Variants in PHF20 observed in about 807,000 individuals in gnomAD.
PHF20 encodes the protein PHD finger protein 20, also known as glioma-expressed antigen 2.
A neutral mutation model predicts 113.5 loss-of-function variants in PHF20; 23 were observed. That is an observed-to-expected ratio of 0.20 (90% CI 0.15 to 0.29). The LOEUF (loss-of-function observed/expected upper bound fraction) is 0.29, where lower values mean the gene tolerates loss of function less well. Among genes scored for constraint, PHF20 ranks in the 10% least tolerant of loss-of-function variants. The pLI is 1.00. For synonymous variants in PHF20, 434 were observed against 457.3 expected (o/e 0.95, Z 0.65); for missense variants, 943 against 1,219.6 (o/e 0.77, Z 3.38).
intron 10 of PHF20, among the ~76,000 whole-genome samples, chr20:35,912,267 C>T (rs765354261): frequency 5.3e-5 from 8 of 152,120 alleles, no homozygotes; most frequent in Non-Finnish European, 1.0e-4. Flanking sequence ...CGTGAGCCAC[C>T]GCACCCAGCA....
At chr20:35,845,237 AT>A (rs999047329) in intron 3 of PHF20, 3 of 147,392 alleles carry the variant, frequency 2.0e-5, no homozygotes, top group South Asian at 2.1e-4. Flanking sequence ...AGTTTGTTTT[AT>A]TTTTTTAATT....
intron 2 of PHF20, among the ~76,000 whole-genome samples, chr20:35,835,247 T>C (rs141687222): frequency 0.051 from 7,701 of 151,562 alleles, 244 homozygotes; most frequent in African/African-American, 0.099. Context: ...TGCACTCCAG[T>C]CTGGGCGACA....
intron 1 of PHF20, among the ~76,000 whole-genome samples, chr20:35,785,550 C>T (rs1046120456): frequency 6.6e-6 from 1 of 151,718 alleles, no homozygotes; most frequent in African/African-American, 2.4e-5. Flanking sequence ...GAACTCCTGA[C>T]CTCAGGTGAT....
chr20:35,880,748 G>C (rs892612676), intron 9 of PHF20, among the ~76,000 whole-genome samples: 1 of 152,118 alleles, frequency 6.6e-6, no homozygotes, highest in Non-Finnish European at 1.5e-5. Context: ...ATCACTTGAG[G>C]TCAGGAGTTC....
intron 13 of PHF20, among the ~76,000 whole-genome samples, chr20:35,925,142 T>A (rs945067280): frequency 2.6e-5 from 4 of 152,144 alleles, no homozygotes; most frequent in South Asian, 2.1e-4. Flanking sequence ...ATAATATTTT[T>A]AAAATATCTG....
intron 9 of PHF20, among the ~76,000 whole-genome samples, chr20:35,876,526 G>T (rs529984292): frequency 1.3e-5 from 2 of 152,088 alleles, no homozygotes; most frequent in African/African-American, 4.8e-5. Flanking sequence ...AGCCGAGATT[G>T]CGCCCCTGCA....
In PHF20 at chr20:35,807,810, T is replaced by C. The variant is rs2041911436; in HGVS notation, c.83+6205T>C. Among the ~76,000 whole-genome samples, 3 of 152,184 alleles carry C rather than the reference T, an allele frequency of 2.0e-5. No homozygotes were observed. In the South Asian group the frequency reaches 6.2e-4, roughly 31 times the overall value. On this transcript the variant is annotated intron_variant, in intron 2 of 17. Transcript: ENST00000374012. ...ATGAGATTGTTGGAAGTTTGAACATTGATTGGTTATTTGATATTAAAGAAT... is the reference window on the plus strand; with the variant it reads ...ATGAGATTGTTGGAAGTTTGAACATCGATTGGTTATTTGATATTAAAGAAT...
intron 15 of PHF20, 166 bp from the exon 16 acceptor site, chr20:35,938,531 C>A: frequency 1.5e-6 from 1 of 681,756 alleles, no homozygotes. Flanking sequence ...GAGTGGTCTC[C>A]TAGGAGACCA....
intron 10 of PHF20, among the ~76,000 whole-genome samples, chr20:35,902,593 A>T (rs1455974048): frequency 6.6e-6 from 1 of 152,210 alleles, no homozygotes; most frequent in Non-Finnish European, 1.5e-5. Flanking sequence ...TCCTGGCCAG[A>T]TGCTGATCTA....
intron 2 of PHF20, among the ~76,000 whole-genome samples, chr20:35,806,953 G>A (rs2041894481): frequency 6.6e-6 from 1 of 151,822 alleles, no homozygotes; most frequent in African/African-American, 2.4e-5. Flanking sequence ...CTGCCACCAC[G>A]CCCGGCTAAT....
At chr20:35,826,278 A>C (rs2042260082) in intron 2 of PHF20, among the ~76,000 whole-genome samples, 1 of 152,194 alleles carries the variant, frequency 6.6e-6, no homozygotes, top group Admixed American at 6.6e-5. Flanking sequence ...TCTTGACCCC[A>C]GGTGATCTGC....
chr20:35,903,868 T>G (rs1355384459), intron 10 of PHF20, among the ~76,000 whole-genome samples: 1 of 152,204 alleles, frequency 6.6e-6, no homozygotes, highest in Non-Finnish European at 1.5e-5. Context: ...GTGGCTGCCT[T>G]ATTCTGCTGC....
chr20:35,848,088 T>C (rs2042654912), intron 4 of PHF20, among the ~76,000 whole-genome samples: 1 of 152,130 alleles, frequency 6.6e-6, no homozygotes, highest in African/African-American at 2.4e-5. Context: ...CACTAGGGTG[T>C]GTGTGGTCTC....
intron 3 of PHF20, among the ~76,000 whole-genome samples, chr20:35,843,845 T>C (rs1158944683): frequency 1.3e-5 from 2 of 152,190 alleles, no homozygotes; most frequent in Non-Finnish European, 2.9e-5. Context: ...CCCACAGTGC[T>C]AGGATTATAG....
intron 2 of PHF20, among the ~76,000 whole-genome samples, chr20:35,810,049 C>T (rs1354881104): frequency 6.6e-6 from 1 of 152,094 alleles, no homozygotes; most frequent in East Asian, 1.9e-4. Flanking sequence ...TCTGCTTCAG[C>T]CTCCCAAGTA....
chr20:35,901,304 A>G (rs925104960), intron 10 of PHF20, among the ~76,000 whole-genome samples: 3 of 151,602 alleles, frequency 2.0e-5, no homozygotes, highest in Admixed American at 2.0e-4. Context: ...AATCCCAGCC[A>G]CTCAGGAGGC....
intron 9 of PHF20, among the ~76,000 whole-genome samples, chr20:35,887,422 G>A (rs979949796): frequency 2.6e-5 from 4 of 152,154 alleles, no homozygotes; most frequent in Admixed American, 2.6e-4. Context: ...AGGGTTTCAG[G>A]CTTACCTGAT....
At chr20:35,891,376 CAA>C (rs11475386) in intron 9 of PHF20, among the ~76,000 whole-genome samples, 176 of 76,558 alleles carry the variant, frequency 2.3e-3, no homozygotes, top group African/African-American at 5.3e-3. Flanking sequence ...GACTCTATGT[CAA>C]AAAAAAAAAA....
Position 35,847,125 on chromosome 20 carries a change from A to G in PHF20, c.256-225A>G, listed in dbSNP as rs565187902. On this transcript the variant is annotated intron_variant, in intron 3 of 17. Coordinates refer to ENST00000374012, the MANE Select transcript of PHF20 (RefSeq NM_016436.5). ...ACACCTCTCATAGGCCCCATTTTCAACACTGCTGCACTGAAAACGTTTACT... is the reference window on the plus strand; with the variant it reads ...ACACCTCTCATAGGCCCCATTTTCAGCACTGCTGCACTGAAAACGTTTACT... Among the ~76,000 whole-genome samples, 121 of 152,124 alleles carry G rather than the reference A, an allele frequency of 8.0e-4. 1 individual carries two copies. Among genetic ancestry groups the G allele is most frequent in the Non-Finnish European group, 1.5e-3 (100 of 68,030 alleles).
Sources: allele counts gnomAD v4.1 joint callset (sites outside exome capture counted in the v4.1 genomes callset), GRCh38; gene constraint gnomAD v4.1.1; transcripts MANE v1.5; gene names NCBI Gene and HGNC (gene_info 2026-07-23, HGNC 2026-07-21).